The following TRAPPC9 variants were observed in gnomAD, a reference collection of about 807,000 sequenced individuals.
The protein encoded by TRAPPC9 is trafficking protein particle complex subunit 9.
In TRAPPC9, 83 loss-of-function variants were observed where a neutral mutation model predicts 124.0. The observed-to-expected ratio is 0.67, with a 90% CI of 0.56 to 0.80. The LOEUF (loss-of-function observed/expected upper bound fraction) is 0.80. TRAPPC9 is among the 30% of genes least tolerant of loss of function. The probability of loss-of-function intolerance (pLI) is 0.00; values close to 1 mark genes in which losing one functional copy is unlikely to be tolerated. For synonymous variants in TRAPPC9, 638 were observed against 617.5 expected (o/e 1.03, Z -0.49); for missense variants, 1,302 against 1,508.3 (o/e 0.86, Z 2.27).
At chr8:140,454,185 A>G (rs1026442977) in intron 1 of TRAPPC9, among the ~76,000 whole-genome samples, 3 of 152,154 alleles carry the variant, frequency 2.0e-5, no homozygotes, top group Non-Finnish European at 4.4e-5. Flanking sequence ...GCTACTCCAG[A>G]GGCTGAGGCA....
chr8:139,835,371 G>A (rs1416715642), intron 21 of TRAPPC9, among the ~76,000 whole-genome samples: 2 of 152,250 alleles, frequency 1.3e-5, no homozygotes, highest in Admixed American at 6.5e-5. Flanking sequence ...GTCCTCCGGG[G>A]CTCCGCTGCT....
intron 21 of TRAPPC9, among the ~76,000 whole-genome samples, chr8:139,752,717 A>C (rs1257994194): frequency 6.7e-6 from 1 of 149,042 alleles, no homozygotes; most frequent in Non-Finnish European, 1.5e-5. Flanking sequence ...ATCCATTCAT[A>C]CATCCATCCA....
intron 17 of TRAPPC9, among the ~76,000 whole-genome samples, chr8:140,032,119 G>C (rs1329336450): frequency 2.6e-5 from 4 of 152,162 alleles, no homozygotes; most frequent in African/African-American, 9.7e-5. Context: ...CGTCTCCAAA[G>C]AAACTCTGCC....
At chr8:140,448,936 G>T (rs1217377868) in intron 2 of TRAPPC9, among the ~76,000 whole-genome samples, 2 of 151,388 alleles carry the variant, frequency 1.3e-5, no homozygotes, top group African/African-American at 4.8e-5. Flanking sequence ...GCAACCCCGT[G>T]TAGATCACAG....
intron 17 of TRAPPC9, among the ~76,000 whole-genome samples, chr8:140,138,772 C>A (rs868348669): frequency 3.3e-5 from 5 of 152,094 alleles, no homozygotes; most frequent in Non-Finnish European, 7.4e-5. Flanking sequence ...AAGTGGTAAG[C>A]AAACAAACAG....
intron 18 of TRAPPC9, among the ~76,000 whole-genome samples, chr8:139,999,800 A>G (rs1351948862): frequency 3.3e-5 from 5 of 152,254 alleles, no homozygotes; most frequent in Non-Finnish European, 5.9e-5. Flanking sequence ...AATTTAATCA[A>G]TGCACTTCAA....
rs74326985 is a variant in TRAPPC9 at position 140,080,648 on chromosome 8, C to A, written c.2557-56569G>T. 2.4e-3 allele frequency among the ~76,000 whole-genome samples: 360 copies of A among 152,280 alleles called. 3 individuals are homozygous for A. The East Asian group carries it at 0.03, about 13-fold the overall frequency. ...ACCAATCTATTCCGGAGGGTTCAGCCCCCATGACCCAATCACCTCCCGCTA... is the reference window on the plus strand; with the variant it reads ...ACCAATCTATTCCGGAGGGTTCAGCACCCATGACCCAATCACCTCCCGCTA... On this transcript the variant is annotated intron_variant, in intron 17 of 22. Transcript: ENST00000438773.
chr8:140,405,539 A>T (rs555210451), intron 6 of TRAPPC9, 38 bp downstream of exon 6: 1 of 1,612,376 alleles, frequency 6.2e-7, no homozygotes, highest in African/African-American at 1.3e-5. Context: ...ATTAAACAAC[A>T]CAACTGTGTA....
intron 17 of TRAPPC9, among the ~76,000 whole-genome samples, chr8:140,044,430 A>C (rs1399279092): frequency 1.3e-5 from 2 of 152,222 alleles, no homozygotes; most frequent in African/African-American, 4.8e-5. Context: ...TTGCCCAACA[A>C]ATCCCACAGC....
intron 21 of TRAPPC9, among the ~76,000 whole-genome samples, chr8:139,829,876 C>T (rs1172050055): frequency 4.6e-5 from 7 of 152,190 alleles, no homozygotes; most frequent in East Asian, 1.9e-4. Context: ...CAAGGTCACA[C>T]GCCTAGTGAG....
At chr8:140,092,270 T>G (rs1311965586) in intron 17 of TRAPPC9, among the ~76,000 whole-genome samples, 1 of 150,556 alleles carries the variant, frequency 6.6e-6, no homozygotes, top group Non-Finnish European at 1.5e-5. Context: ...CAATCTCGGC[T>G]CACTGCAACC....
At chr8:139,939,924 C>T (rs986421270) in intron 19 of TRAPPC9, among the ~76,000 whole-genome samples, 3 of 152,230 alleles carry the variant, frequency 2.0e-5, no homozygotes, top group African/African-American at 4.8e-5. Flanking sequence ...CCACAGCATG[C>T]GGCTCTGCAC....
At chr8:139,912,181 CTAAG>C (rs1831782881) in intron 19 of TRAPPC9, among the ~76,000 whole-genome samples, 1 of 152,106 alleles carries the variant, frequency 6.6e-6, no homozygotes, top group African/African-American at 2.4e-5. Context: ...AGTCTTTTCC[CTAAG>C]TATTTGTATT....
chr8:139,850,966 C>T (rs897448801), intron 21 of TRAPPC9, among the ~76,000 whole-genome samples: 12 of 152,124 alleles, frequency 7.9e-5, no homozygotes, highest in East Asian at 1.9e-4. Context: ...AAGAGATCAT[C>T]GTGTAAAAAG....
Position 140,300,629 on chromosome 8 carries a change from A to G in TRAPPC9, c.1623-15T>C, listed in dbSNP as rs755155049. ...GTTTCACATGCCTGTTGTTTCAAAC[A>G]GAACACAAATACTTCAACTGTCTGG... On this transcript the variant is annotated splice_polypyrimidine_tract_variant and intron_variant, in intron 10 of 22. Transcript: ENST00000438773. 4 of 1,614,232 alleles carry G rather than the reference A, an allele frequency of 2.5e-6. No homozygotes were observed. The highest frequency in any genetic ancestry group is 2.5e-6 in the Non-Finnish European group (3 of 1,180,038).
intron 16 of TRAPPC9, among the ~76,000 whole-genome samples, chr8:140,224,936 C>T (rs969611970): frequency 6.6e-5 from 10 of 152,148 alleles, no homozygotes; most frequent in South Asian, 2.1e-4. Flanking sequence ...GGCTGAGGTG[C>T]GGCTCCCCTT....
intron 21 of TRAPPC9, among the ~76,000 whole-genome samples, chr8:139,787,451 C>A (rs888936572): frequency 6.6e-6 from 1 of 152,130 alleles, no homozygotes; most frequent in African/African-American, 2.4e-5. Flanking sequence ...TAAAATCTCC[C>A]TGCCGGGCAG....
chr8:140,410,611 A>G (rs2069671001), intron 5 of TRAPPC9, among the ~76,000 whole-genome samples: 1 of 152,238 alleles, frequency 6.6e-6, no homozygotes, highest in East Asian at 1.9e-4. Context: ...CGGAAGGCCG[A>G]GGCGGGCGGA....
At chr8:140,198,330 G>A (rs1483150380) in intron 17 of TRAPPC9, among the ~76,000 whole-genome samples, 1 of 152,122 alleles carries the variant, frequency 6.6e-6, no homozygotes, top group African/African-American at 2.4e-5. Context: ...TTATGGTTTA[G>A]GAGTCACGCA....
Sources: gnomAD v4.1 joint callset for allele counts (sites outside exome capture counted in the v4.1 genomes callset) on GRCh38, gnomAD v4.1.1 for gene constraint, MANE v1.5 for transcripts, NCBI Gene and HGNC (gene_info 2026-07-23, HGNC 2026-07-21) for gene names.